The following SLX4IP variants were observed in gnomAD, a reference collection of about 807,000 sequenced individuals.
SLX4IP encodes SLX4 interacting protein.
A neutral mutation model predicts 32.9 loss-of-function variants in SLX4IP; 34 were observed. The observed-to-expected ratio is 1.03, with a 90% confidence interval of 0.79 to 1.38. SLX4IP has a LOEUF of 1.38. Ranked by LOEUF, SLX4IP falls within the 40% of genes most tolerant of loss-of-function variation. SLX4IP has a pLI of 0.00. For missense variants in SLX4IP, 444 were observed against 479.0 expected, an observed-to-expected ratio of 0.93 and a Z score of 0.68; for synonymous variants, 172 against 171.7, an observed-to-expected ratio of 1.00 and a Z score of -0.01.
intron 2 of SLX4IP, among the ~76,000 whole-genome samples, chr20:10,505,442 T>C (rs967123292): frequency 6.6e-6 from 1 of 152,194 alleles, no homozygotes; most frequent in Non-Finnish European, 1.5e-5. Context: ...GGAAAAGACA[T>C]AGGAGACAGG....
At chr20:10,475,412 A>C (rs920065944) in intron 2 of SLX4IP, among the ~76,000 whole-genome samples, 1 of 152,160 alleles carries the variant, frequency 6.6e-6, no homozygotes, top group Non-Finnish European at 1.5e-5. Flanking sequence ...ACACCCACGC[A>C]AACTACTAGA....
intron 2 of SLX4IP, among the ~76,000 whole-genome samples, chr20:10,510,012 A>G (rs891945620): frequency 7.2e-5 from 11 of 152,168 alleles, no homozygotes; most frequent in African/African-American, 2.4e-4. Context: ...ATAATAGAAT[A>G]TTATGCAGCT....
intron 4 of SLX4IP, among the ~76,000 whole-genome samples, chr20:10,587,564 A>C (rs2066660199): frequency 6.6e-6 from 1 of 152,116 alleles, no homozygotes; most frequent in African/African-American, 2.4e-5. Context: ...ATATGCAGAA[A>C]AATCTAAAAT....
chr20:10,549,008 A>T (rs189046678), intron 2 of SLX4IP, among the ~76,000 whole-genome samples: 2 of 152,302 alleles, frequency 1.3e-5, no homozygotes, highest in Admixed American at 1.3e-4. Flanking sequence ...CCTTTCTTAT[A>T]TGTAAACTAC....
chr20:10,556,249 C>T lies in SLX4IP; in HGVS notation c.46C>T (p.Leu16Phe), dbSNP rs557180845. 7 of 1,613,620 alleles carry T rather than the reference C, an allele frequency of 4.3e-6. No homozygotes were observed. Among genetic ancestry groups the T allele is most frequent in the Non-Finnish European group, 3.4e-6 (4 of 1,179,842 alleles). The change falls in exon 3 of 8, where the codon CTC becomes TTC. Residue 16 changes from leucine to phenylalanine, a missense_variant. Leu to Phe is a conservative substitution (Grantham distance 22). Coordinates refer to ENST00000334534, the MANE Select transcript of SLX4IP (RefSeq NM_001009608.3). ...CTTTCAGTGTGGGAATTTTGCTGTCCTCGTGGATCTTCATATCTTGCCACA... is the reference window on the plus strand; with the variant it reads ...CTTTCAGTGTGGGAATTTTGCTGTCTTCGTGGATCTTCATATCTTGCCACA... ...FAVKCGNFAVLVDLHILPQGS... is the reference protein window; with the variant it reads ...FAVKCGNFAVFVDLHILPQGS...
At chr20:10,496,433 G>C (rs77036741) in intron 2 of SLX4IP, among the ~76,000 whole-genome samples, 4,062 of 152,222 alleles carry the variant, frequency 0.027, 101 homozygotes, top group Admixed American at 0.096. Flanking sequence ...AATGCAAGTA[G>C]CAGAAAACCC....
At chr20:10,504,672 A>C (rs144588723) in intron 2 of SLX4IP, among the ~76,000 whole-genome samples, 2 of 152,254 alleles carry the variant, frequency 1.3e-5, no homozygotes, top group East Asian at 3.9e-4. Flanking sequence ...CCAAGCAGTT[A>C]GAGGGGGCCT....
chr20:10,610,625 GT>G (rs1407135693), intron 6 of SLX4IP, among the ~76,000 whole-genome samples: 1 of 152,226 alleles, frequency 6.6e-6, no homozygotes. Flanking sequence ...GCTAGCCCCT[GT>G]GCCAAGTGTT....
chr20:10,460,550 A>T (rs4813934), intron 2 of SLX4IP, among the ~76,000 whole-genome samples: 1 of 151,984 alleles, frequency 6.6e-6, no homozygotes, highest in Non-Finnish European at 1.5e-5. Context: ...CCTGTTCTGC[A>T]TGGCTTGGGC....
chr20:10,556,885 C>T (rs2066272151), intron 3 of SLX4IP, among the ~76,000 whole-genome samples: 1 of 152,244 alleles, frequency 6.6e-6, no homozygotes, highest in African/African-American at 2.4e-5. Context: ...CACTGAGCCT[C>T]AGCCTCCTCA....
At chr20:10,500,762 AAAAT>A (rs1282232412) in intron 2 of SLX4IP, among the ~76,000 whole-genome samples, 2 of 152,170 alleles carry the variant, frequency 1.3e-5, no homozygotes, top group African/African-American at 4.8e-5. Context: ...AAAAATAAAT[AAAAT>A]AAGTAAATAA....
In SLX4IP at chr20:10,627,544, A is replaced by G. The variant is rs1183563552; in HGVS notation, c.*4165A>G. 1 of 152,206 alleles carries G rather than the reference A, an allele frequency of 6.6e-6. No homozygotes were observed. Among genetic ancestry groups the G allele is most frequent in the Admixed American group, 6.5e-5 (1 of 15,282 alleles). The allele number at this position is 152,206 out of a possible 1,614,324, so 9.4% of individuals were successfully genotyped here. On this transcript the variant is annotated 3_prime_UTR_variant, in exon 8 of 8. Coordinates refer to ENST00000334534, the MANE Select transcript of SLX4IP (RefSeq NM_001009608.3). ...TCTAATTTGCTTTCTATATTTATTT[A>G]CAAGACAGGGAACAAATATGTGTCA...
chr20:10,599,754 A>T (rs1480231433), intron 5 of SLX4IP, among the ~76,000 whole-genome samples: 1 of 152,164 alleles, frequency 6.6e-6, no homozygotes, highest in African/African-American at 2.4e-5. Context: ...CTAGTAAAAT[A>T]AGTCAGCTAA....
chr20:10,602,731 T>C (rs180866505), intron 6 of SLX4IP, among the ~76,000 whole-genome samples: 2 of 152,352 alleles, frequency 1.3e-5, no homozygotes, highest in East Asian at 1.9e-4. Context: ...TTGATGTTTA[T>C]TATTTTTTAA....
At chr20:10,574,873 A>G (rs1042198753) in intron 4 of SLX4IP, among the ~76,000 whole-genome samples, 3 of 152,010 alleles carry the variant, frequency 2.0e-5, no homozygotes, top group Non-Finnish European at 4.4e-5. Context: ...GGGTTTCTCC[A>G]TGTTAGCCAG....
chr20:10,544,456 G>A (rs2066141143), intron 2 of SLX4IP, among the ~76,000 whole-genome samples: 1 of 152,154 alleles, frequency 6.6e-6, no homozygotes, highest in Non-Finnish European at 1.5e-5. Flanking sequence ...CACAATCTTG[G>A]CTCACTGCAG....
At chr20:10,472,466 G>A (rs1342650596) in intron 2 of SLX4IP, among the ~76,000 whole-genome samples, 3 of 152,106 alleles carry the variant, frequency 2.0e-5, no homozygotes, top group Non-Finnish European at 2.9e-5. Context: ...TCCTGACCTC[G>A]TGATCTGCGT....
intron 6 of SLX4IP, among the ~76,000 whole-genome samples, chr20:10,612,340 A>C (rs909496321): frequency 6.6e-6 from 1 of 152,188 alleles, no homozygotes; most frequent in Admixed American, 6.5e-5. Flanking sequence ...AATGAACATG[A>C]GACCTTAGAC....
intron 4 of SLX4IP, among the ~76,000 whole-genome samples, chr20:10,589,416 C>T (rs2066681020): frequency 6.6e-6 from 1 of 152,100 alleles, no homozygotes. Flanking sequence ...ACTTCAAGTA[C>T]TCCTGATGAA....
Sources: gnomAD v4.1 joint callset for allele counts (sites outside exome capture counted in the v4.1 genomes callset) on GRCh38, gnomAD v4.1.1 for gene constraint, MANE v1.5 for transcripts, NCBI Gene and HGNC (gene_info 2026-07-23, HGNC 2026-07-21) for gene names.